Variants in PPARGC1A observed in about 807,000 individuals in gnomAD.
The protein encoded by PPARGC1A is PPARG coactivator 1 alpha.
Under a neutral mutation model 88.7 loss-of-function variants are expected in PPARGC1A, and 25 were observed. The observed-to-expected ratio is 0.28, with a 90% CI of 0.21 to 0.39. The LOEUF is 0.39. Among genes scored for constraint, PPARGC1A ranks in the 10% least tolerant of loss-of-function variants. PPARGC1A has a pLI of 1.00. For missense variants in PPARGC1A, 880 were observed against 968.7 expected, an observed-to-expected ratio of 0.91 and a Z score of 1.22; for synonymous variants, 363 against 355.6, an observed-to-expected ratio of 1.02 and a Z score of -0.24.
chr4:24,201,905 A>ATTTT, the PPARGC1A span, among the ~76,000 whole-genome samples: 1 of 141,536 alleles, frequency 7.1e-6, no homozygotes. Flanking sequence ...TGGTTATATC[A>ATTTT]TTTTTTTTTT....
chr4:24,045,621 C>T, the PPARGC1A span, among the ~76,000 whole-genome samples: 1 of 152,130 alleles, frequency 6.6e-6, no homozygotes, highest in African/African-American at 2.4e-5. Flanking sequence ...ATGGACTTCT[C>T]CTCCGTGTGT....
the PPARGC1A span, among the ~76,000 whole-genome samples, chr4:24,405,229 A>T: frequency 6.6e-6 from 1 of 152,206 alleles, no homozygotes; most frequent in East Asian, 1.9e-4. Context: ...TTAAATGCAA[A>T]ATGTCACACA....
At chr4:23,980,676 GGGACCCAA>G in the PPARGC1A span, among the ~76,000 whole-genome samples, 3 of 152,112 alleles carry the variant, frequency 2.0e-5, no homozygotes, top group African/African-American at 7.2e-5. Flanking sequence ...CAGCTCAGCG[GGGACCCAA>G]GGCATTTGGA....
chr4:24,071,833 T>C, the PPARGC1A span, among the ~76,000 whole-genome samples: 26 of 152,182 alleles, frequency 1.7e-4, no homozygotes, highest in African/African-American at 6.3e-4. Flanking sequence ...TTCTTTTTGA[T>C]GTAACGTGAA....
the PPARGC1A span, among the ~76,000 whole-genome samples, chr4:24,387,040 G>A: frequency 6.6e-6 from 1 of 152,130 alleles, no homozygotes; most frequent in Non-Finnish European, 1.5e-5. Flanking sequence ...TTCCAAAACA[G>A]ATACATAGAC....
chr4:24,244,443 T>A, the PPARGC1A span, among the ~76,000 whole-genome samples: 1 of 152,362 alleles, frequency 6.6e-6, no homozygotes, highest in African/African-American at 2.4e-5. Context: ...GCCTTCTTAA[T>A]AGGTGAAGAG....
chr4:24,164,718 C>T, the PPARGC1A span, among the ~76,000 whole-genome samples: 1 of 152,164 alleles, frequency 6.6e-6, no homozygotes, highest in Non-Finnish European at 1.5e-5. Flanking sequence ...ATAGAATGCA[C>T]AGCTATCATA....
chr4:24,021,768 A>G, the PPARGC1A span, among the ~76,000 whole-genome samples: 1 of 152,204 alleles, frequency 6.6e-6, no homozygotes, highest in Non-Finnish European at 1.5e-5. Flanking sequence ...ATACAGGAGA[A>G]GTGTTCAGCA....
chr4:23,907,795 TG>T (rs1476047284), upstream of PPARGC1A, among the ~76,000 whole-genome samples: 6 of 152,322 alleles, frequency 3.9e-5, no homozygotes, highest in East Asian at 9.7e-4. Context: ...CTTCCTTACT[TG>T]GGGCATTTTA....
At chr4:24,237,579 T>A in the PPARGC1A span, among the ~76,000 whole-genome samples, 13 of 152,212 alleles carry the variant, frequency 8.5e-5, no homozygotes. Flanking sequence ...ATGGCCAATT[T>A]AGCTACTTGT....
the PPARGC1A span, among the ~76,000 whole-genome samples, chr4:24,037,498 C>T: frequency 6.6e-6 from 1 of 152,160 alleles, no homozygotes; most frequent in African/African-American, 2.4e-5. Context: ...CACATAGAAG[C>T]ATCAACTCCA....
the PPARGC1A span, among the ~76,000 whole-genome samples, chr4:24,033,292 A>T: frequency 6.6e-6 from 1 of 152,220 alleles, no homozygotes; most frequent in African/African-American, 2.4e-5. Context: ...ATGGGTCGAT[A>T]TATACAAAGT....
the PPARGC1A span, among the ~76,000 whole-genome samples, chr4:24,155,401 C>T: frequency 8.0e-3 from 1,209 of 151,650 alleles, 10 homozygotes; most frequent in South Asian, 0.016. Flanking sequence ...GGTGGGTGAA[C>T]AGCTTGAGCC....
chr4:23,928,199 T>C, the PPARGC1A span, among the ~76,000 whole-genome samples: 2 of 152,206 alleles, frequency 1.3e-5, no homozygotes, highest in Non-Finnish European at 2.9e-5. Context: ...TGTTCTTGGA[T>C]GCAGCTGCCA....
chr4:24,163,894 C>T, the PPARGC1A span, among the ~76,000 whole-genome samples: 1 of 152,318 alleles, frequency 6.6e-6, no homozygotes, highest in African/African-American at 2.4e-5. Flanking sequence ...GGCCTCCTGA[C>T]CATCTCAAAC....
the PPARGC1A span, among the ~76,000 whole-genome samples, chr4:24,049,308 G>GTGTATA: frequency 2.7e-4 from 37 of 139,536 alleles, no homozygotes; most frequent in African/African-American, 5.9e-4. Flanking sequence ...ATATATGTGT[G>GTGTATA]TATATATATA....
chr4:24,399,421 A>C, the PPARGC1A span, among the ~76,000 whole-genome samples: 1 of 152,226 alleles, frequency 6.6e-6, no homozygotes, highest in Non-Finnish European at 1.5e-5. Flanking sequence ...AATTTCACCT[A>C]TTAACTGTTC....
chr4:24,051,336 T>C, the PPARGC1A span, among the ~76,000 whole-genome samples: 1 of 152,150 alleles, frequency 6.6e-6, no homozygotes, highest in Non-Finnish European at 1.5e-5. Context: ...AATATCTTTA[T>C]ATTTGAGAGA....
At chr4:23,815,856 T>A (rs1050497814) in intron 7 of PPARGC1A, among the ~76,000 whole-genome samples, 1 of 152,060 alleles carries the variant, frequency 6.6e-6, no homozygotes, top group Non-Finnish European at 1.5e-5. Context: ...GGGGTTAGAC[T>A]TAAGGCAAGT....
Sources: gnomAD v4.1 joint callset for allele counts (sites outside exome capture counted in the v4.1 genomes callset) on GRCh38, gnomAD v4.1.1 for gene constraint, MANE v1.5 for transcripts, NCBI Gene and HGNC (gene_info 2026-07-23, HGNC 2026-07-21) for gene names.